ZBTB40: variants seen among roughly 807,000 people sequenced by gnomAD.
ZBTB40 encodes zinc finger and BTB domain-containing protein 40.
Under a neutral mutation model 117.5 loss-of-function variants are expected in ZBTB40, and 60 were observed. That is an observed-to-expected ratio of 0.51 (90% CI 0.41 to 0.63). The LOEUF (loss-of-function observed/expected upper bound fraction) is 0.63. ZBTB40 is among the 30% of genes least tolerant of loss of function. The probability of loss-of-function intolerance (pLI) is 0.00; values close to 1 mark genes in which losing one functional copy is unlikely to be tolerated. For synonymous variants in ZBTB40, 525 were observed against 577.1 expected (o/e 0.91, Z 1.29); for missense variants, 1,287 against 1,498.5 (o/e 0.86, Z 2.33).
rs1324654539 is a variant in ZBTB40 at position 22,491,519 on chromosome 1, G to A, written c.817G>A (p.Gly273Ser). ...KKLEMCSEIKGPQKEMIVKCF... is the reference protein window; with the variant it reads ...KKLEMCSEIKSPQKEMIVKCF... ...ACTAGAAATGTGTTCAGAAATTAAAGGTCCACAGAAGGAGGTAGGCACCTC... is the reference window on the plus strand; with the variant it reads ...ACTAGAAATGTGTTCAGAAATTAAAAGTCCACAGAAGGAGGTAGGCACCTC... The change falls in exon 3 of 18, where the codon GGT becomes AGT. Residue 273 changes from glycine to serine, a missense_variant. By Grantham distance (56) the Gly-to-Ser change is moderately conservative. Coordinates refer to ENST00000375647, the MANE Select transcript of ZBTB40 (RefSeq NM_014870.4). The A allele has an allele frequency of 3.1e-6, 5 of 1,613,914 alleles. No individual in the cohort carries two copies. Among genetic ancestry groups the A allele is most frequent in the Non-Finnish European group, 4.2e-6 (5 of 1,179,906 alleles).
intron 1 of ZBTB40, among the ~76,000 whole-genome samples, chr1:22,463,999 T>G (rs1641193518): frequency 6.6e-6 from 1 of 152,250 alleles, no homozygotes; most frequent in South Asian, 2.1e-4. Context: ...TGTCTCTATC[T>G]CCTTGACAAT....
intron 2 of ZBTB40, among the ~76,000 whole-genome samples, 176 bp from the exon 3 acceptor site, chr1:22,491,224 A>G (rs12566074): frequency 0.26 from 39,001 of 152,204 alleles, 6,344 homozygotes; most frequent in South Asian, 0.38. Context: ...CAGGCTGAGG[A>G]CAGCACAAAG....
chr1:22,464,424 A>G (rs532881970), intron 1 of ZBTB40, among the ~76,000 whole-genome samples: 17 of 152,326 alleles, frequency 1.1e-4, no homozygotes, highest in African/African-American at 3.8e-4. Flanking sequence ...TTTGGGTTCA[A>G]ACCCTACCCT....
chr1:22,433,432 C>CAAAAAAAAAAAAAAAAAAAAAA lies in ZBTB40; in HGVS notation c.-70+4422_-70+4443dup. 3.1e-3 allele frequency among the ~76,000 whole-genome samples: 27 copies of CAAAAAAAAAAAAAAAAAAAAAA among 8,754 alleles called. 1 individual carries two copies. The highest frequency in any genetic ancestry group is 4.2e-3 in the Non-Finnish European group (15 of 3,580). The allele number at this position is 8,754 out of a possible 152,430, so 5.7% of individuals were successfully genotyped here. ...TGGGCGACAGAGCAAGACGCCCTCT[C>CAAAAAAAAAAAAAAAAAAAAAA]AAAAAAAAAAAAAAAAAAAAAAAAA... On this transcript the variant is annotated intron_variant, in intron 1 of 8. Coordinates refer to the ZBTB40 transcript ENST00000650433.
At chr1:22,511,574 C>T in intron 10 of ZBTB40, 102 bp from the exon 11 acceptor site, 1 of 1,345,132 alleles carries the variant, frequency 7.4e-7, no homozygotes, top group Non-Finnish European at 1.0e-6. Flanking sequence ...TTTTGAGGAT[C>T]TCAAGTAGTC....
rs35098700 is a variant in ZBTB40 at position 22,485,994 on chromosome 1, TAA to T, written c.-69-3875_-69-3874del. On this transcript the variant is annotated intron_variant, in intron 1 of 17. Coordinates refer to ENST00000375647, the MANE Select transcript of ZBTB40 (RefSeq NM_014870.4). ...GCCCCTGGCTATTTAATCATAGTCT[TAA>T]AAAAAAAAAATCCTGGTGTGCTAAT... Among the ~76,000 whole-genome samples the T allele has an allele frequency of 6.7e-5, 10 of 148,750 alleles. 1 individual carries two copies. The highest frequency in any genetic ancestry group is 6.4e-4 in the South Asian group (3 of 4,722).
chr1:22,527,270 CTG>C lies in ZBTB40; in HGVS notation c.*877_*878del, dbSNP rs1175681912. 6.6e-6 allele frequency: 1 copy of C among 152,460 alleles called. No individual in the cohort carries two copies. The highest frequency in any genetic ancestry group is 1.9e-4 in the East Asian group (1 of 5,326). The allele number at this position is 152,460 out of a possible 1,614,324, so 9.4% of individuals were successfully genotyped here. On this transcript the variant is annotated 3_prime_UTR_variant, in exon 18 of 18. Coordinates refer to ENST00000375647, the MANE Select transcript of ZBTB40 (RefSeq NM_014870.4). ...CTCCCTCTGGGTCATATGGTGCAGA[CTG>C]TGACCAGCACCAGGCAGGCAGTCCT...
intron 13 of ZBTB40, 79 bp from the exon 14 acceptor site, chr1:22,519,982 C>A: frequency 7.9e-7 from 1 of 1,261,046 alleles, no homozygotes; most frequent in Non-Finnish European, 1.2e-6. Flanking sequence ...ACACAACAAC[C>A]AGTGTTTCAC....
chr1:22,511,800 T>C lies in ZBTB40; in HGVS notation c.2127T>C (p.Asn709=). 1 of 1,613,282 alleles carries C rather than the reference T, an allele frequency of 6.2e-7. No individual in the cohort carries two copies. The highest frequency in any genetic ancestry group is 8.5e-7 in the Non-Finnish European group (1 of 1,179,798). ...AAGACAGCCAGCCTGGGGAACAGAATGATCAAGGAGAGACTGGTTCCTTGC... is the reference window on the plus strand; with the variant it reads ...AAGACAGCCAGCCTGGGGAACAGAACGATCAAGGAGAGACTGGTTCCTTGC... ...AKEDSQPGEQ[N]DQGETGSLPG... Residue 709 remains asparagine, a synonymous_variant, in exon 11 of 18, where the codon AAT becomes AAC. Coordinates refer to ENST00000375647, the MANE Select transcript of ZBTB40 (RefSeq NM_014870.4).
At chr1:22,498,362 CTG>C (rs1474382916) in intron 3 of ZBTB40, among the ~76,000 whole-genome samples, 1 of 152,232 alleles carries the variant, frequency 6.6e-6, no homozygotes, top group Non-Finnish European at 1.5e-5. Context: ...GGCAGAGAAA[CTG>C]TTGCAGAAAA....
chr1:22,528,053 C>T lies in ZBTB40; in HGVS notation c.*1657C>T, dbSNP rs973093941. 6.5e-6 allele frequency: 1 copy of T among 152,762 alleles called. No individual in the cohort carries two copies. Among genetic ancestry groups the T allele is most frequent in the Admixed American group, 6.5e-5 (1 of 15,282 alleles). 9.5% of individuals were successfully genotyped at this position (152,762 alleles called of 1,614,324 possible). A position where few individuals can be genotyped will look rare whatever the true frequency, so the allele number is the denominator to read the frequency against. ...AATGAAGTTTCTAAAGCAGAGTCGG[C>T]CTCAGAAGCCAAAAACTGACCAGAA... On this transcript the variant is annotated 3_prime_UTR_variant, in exon 18 of 18. Transcript: ENST00000375647.
rs1639302805 is a variant in ZBTB40, at chr1:22,513,708, A to G, written c.2668+578A>G. Among the ~76,000 whole-genome samples the G allele has an allele frequency of 6.6e-6, 1 of 152,120 alleles. No individual in the cohort carries two copies. The highest frequency in any genetic ancestry group is 6.5e-5 in the Admixed American group (1 of 15,276). ...AGAGTGAGACTCCGTCTCAAAAATA[A>G]TAATAATAATAAATAAAATTAAAAA... On this transcript the variant is annotated intron_variant, in intron 12 of 17. Coordinates refer to ENST00000375647, the MANE Select transcript of ZBTB40 (RefSeq NM_014870.4). This position sits in a 1 kb window ranked among gnomAD's most constrained non-coding sequence, Gnocchi z 4.9.
chr1:22,523,194 G>A (rs187228322), intron 16 of ZBTB40, among the ~76,000 whole-genome samples: 2,366 of 151,492 alleles, frequency 0.016, 30 homozygotes, highest in Non-Finnish European at 0.023. Context: ...CTCATGATCC[G>A]CCCGCCTCAC....
At chr1:22,437,241 A>G (rs1021654749) in intron 1 of ZBTB40, among the ~76,000 whole-genome samples, 7 of 151,974 alleles carry the variant, frequency 4.6e-5, no homozygotes, top group African/African-American at 1.7e-4. Flanking sequence ...AGCATAATAA[A>G]CCTCCATGGA....
intron 3 of ZBTB40, among the ~76,000 whole-genome samples, chr1:22,498,615 A>G (rs1490961208): frequency 6.6e-6 from 1 of 152,196 alleles, no homozygotes; most frequent in African/African-American, 2.4e-5. Flanking sequence ...CAAATGTTTT[A>G]ATTTCACTGC....
intron 13 of ZBTB40, among the ~76,000 whole-genome samples, chr1:22,517,936 T>TCACAC (rs1639419057): frequency 6.6e-6 from 1 of 152,234 alleles, no homozygotes; most frequent in Non-Finnish European, 1.5e-5. Context: ...GCCATTGTAT[T>TCACAC]TCACACAGTT....
intron 1 of ZBTB40, among the ~76,000 whole-genome samples, chr1:22,433,341 G>A (rs1422954983): frequency 6.8e-6 from 1 of 146,486 alleles, no homozygotes; most frequent in African/African-American, 2.5e-5. Context: ...GCTGAGGCAG[G>A]AGAATGGCGT....
At chr1:22,441,664 G>C (rs2124367441) in intron 1 of ZBTB40, among the ~76,000 whole-genome samples, 2 of 151,600 alleles carry the variant, frequency 1.3e-5, no homozygotes, top group Admixed American at 1.3e-4. Flanking sequence ...TGTATTTTTG[G>C]TAGAGACAGG....
intron 12 of ZBTB40, among the ~76,000 whole-genome samples, chr1:22,515,485 C>T (rs1008993571): frequency 6.6e-5 from 10 of 152,178 alleles, no homozygotes; most frequent in African/African-American, 1.9e-4. Flanking sequence ...TTCAAGCTTT[C>T]GGCAGAGTTC....
Sources: allele counts gnomAD v4.1 joint callset (sites outside exome capture counted in the v4.1 genomes callset), GRCh38; gene constraint gnomAD v4.1.1; non-coding constraint Gnocchi (gnomAD v3.1); transcripts MANE v1.5; gene names NCBI Gene and HGNC (gene_info 2026-07-23, HGNC 2026-07-21).